The following TOP6BL variants were observed in gnomAD, a reference collection of about 807,000 sequenced individuals.
TOP6BL encodes the protein type 2 DNA topoisomerase 6 subunit B-like.
chr11:66,828,321 C>T, the TOP6BL span: 10 of 1,613,774 alleles, frequency 6.2e-6, no homozygotes, highest in South Asian at 1.1e-5. Context: ...CGTGAGATCA[C>T]CCAACACCAA....
At chr11:66,778,390 C>T in the TOP6BL span, among the ~76,000 whole-genome samples, 1 of 152,040 alleles carries the variant, frequency 6.6e-6, no homozygotes, top group Non-Finnish European at 1.5e-5. Flanking sequence ...CTTTTGAGCC[C>T]AAGAGGTCAA....
the TOP6BL span, among the ~76,000 whole-genome samples, chr11:66,776,830 A>G: frequency 1.3e-5 from 2 of 152,124 alleles, no homozygotes; most frequent in African/African-American, 4.8e-5. Context: ...CGGGAGGACC[A>G]CTTGACTCTG....
At chr11:66,794,743 A>C in the TOP6BL span, among the ~76,000 whole-genome samples, 1 of 152,210 alleles carries the variant, frequency 6.6e-6, no homozygotes. Flanking sequence ...CACAAAACAA[A>C]AAAGAAAGAC....
At chr11:66,788,933 C>CT in the TOP6BL span, among the ~76,000 whole-genome samples, 1 of 152,054 alleles carries the variant, frequency 6.6e-6, no homozygotes, top group Non-Finnish European at 1.5e-5. Context: ...TCTGGTGTAT[C>CT]TTTTTATAAG....
At chr11:66,753,406 C>CTT in the TOP6BL span, among the ~76,000 whole-genome samples, 3 of 120,728 alleles carry the variant, frequency 2.5e-5, no homozygotes, top group African/African-American at 9.9e-5. Flanking sequence ...AGGACTTAGT[C>CTT]TTTTTTTTTT....
At chr11:66,791,619 A>G in the TOP6BL span, among the ~76,000 whole-genome samples, 3 of 152,182 alleles carry the variant, frequency 2.0e-5, no homozygotes, top group Non-Finnish European at 1.5e-5. Context: ...ATAATTAGAC[A>G]TATTTAAAGG....
At chr11:66,787,812 T>C in the TOP6BL span, among the ~76,000 whole-genome samples, 2 of 152,098 alleles carry the variant, frequency 1.3e-5, no homozygotes. Context: ...TTGTGTTTAT[T>C]ACATAATGAG....
chr11:66,746,071 A>G, the TOP6BL span, among the ~76,000 whole-genome samples: 1 of 151,894 alleles, frequency 6.6e-6, no homozygotes, highest in East Asian at 2.0e-4. Flanking sequence ...TCCGCCTCCC[A>G]AAGTGCTGGG....
the TOP6BL span, among the ~76,000 whole-genome samples, chr11:66,747,545 G>A: frequency 6.6e-6 from 1 of 151,442 alleles, no homozygotes; most frequent in South Asian, 2.1e-4. Flanking sequence ...TTCAGCAGCA[G>A]CCCTATGTGG....
chr11:66,779,960 T>C, the TOP6BL span, among the ~76,000 whole-genome samples: 1 of 130,736 alleles, frequency 7.6e-6, no homozygotes, highest in African/African-American at 3.0e-5. Flanking sequence ...AATTGAACAA[T>C]GAGAACACAT....
the TOP6BL span, among the ~76,000 whole-genome samples, chr11:66,836,204 C>A: frequency 7.9e-5 from 12 of 152,134 alleles, no homozygotes; most frequent in Non-Finnish European, 1.5e-4. Context: ...CTATTCAAAT[C>A]TTTTGCCCAT....
At chr11:66,814,366 C>T in the TOP6BL span, among the ~76,000 whole-genome samples, 7 of 152,108 alleles carry the variant, frequency 4.6e-5, no homozygotes, top group Admixed American at 1.3e-4. Flanking sequence ...TCAAGTGATC[C>T]TCCTGCCTCA....
the TOP6BL span, among the ~76,000 whole-genome samples, chr11:66,835,924 G>A: frequency 2.0e-4 from 31 of 152,148 alleles, no homozygotes; most frequent in Non-Finnish European, 1.0e-4. Context: ...TAGAATTGCT[G>A]AGTCATATGA....
chr11:66,808,289 C>CT, the TOP6BL span, among the ~76,000 whole-genome samples: 5 of 152,136 alleles, frequency 3.3e-5, no homozygotes, highest in Non-Finnish European at 5.9e-5. Flanking sequence ...AATCTCAGCA[C>CT]TTTGGGAGGC....
chr11:66,812,754 T>TG, the TOP6BL span, among the ~76,000 whole-genome samples: 1 of 152,184 alleles, frequency 6.6e-6, no homozygotes, highest in Admixed American at 6.5e-5. Flanking sequence ...TGGTTCTTAA[T>TG]GGGGTAATTT....
the TOP6BL span, chr11:66,828,265 G>C: frequency 6.2e-7 from 1 of 1,612,020 alleles, no homozygotes; most frequent in Non-Finnish European, 8.5e-7. Context: ...GCCCATTTTA[G>C]GCAGCTGACA....
the TOP6BL span, chr11:66,801,225 A>AT: frequency 2.0e-6 from 2 of 1,006,692 alleles, no homozygotes; most frequent in Non-Finnish European, 3.0e-6. Flanking sequence ...GCTTCTCTAT[A>AT]AGAAAAGCAG....
At chr11:66,748,649 T>G in the TOP6BL span, 1 of 751,480 alleles carries the variant, frequency 1.3e-6, no homozygotes, top group South Asian at 2.7e-5. Context: ...ATGAAATGAT[T>G]ATGTAATAAG....
chr11:66,820,625 T>G, the TOP6BL span, among the ~76,000 whole-genome samples: 1 of 152,230 alleles, frequency 6.6e-6, no homozygotes, highest in African/African-American at 2.4e-5. Context: ...CTGTGAATTT[T>G]AACCTTTTCT....
Sources: gnomAD v4.1 joint callset for allele counts (sites outside exome capture counted in the v4.1 genomes callset) on GRCh38, gnomAD v4.1.1 for gene constraint, MANE v1.5 for transcripts, NCBI Gene and HGNC (gene_info 2026-07-23, HGNC 2026-07-21) for gene names.